SRGAP1: variants seen among roughly 807,000 people sequenced by gnomAD.
The protein encoded by SRGAP1 is SLIT-ROBO Rho GTPase-activating protein 1.
SRGAP1 carries 43 observed loss-of-function variants against 121.9 expected under a neutral mutation model. That is an observed-to-expected ratio of 0.35 (90% CI 0.28 to 0.46). The LOEUF is 0.46. SRGAP1 is among the 20% of genes least tolerant of loss of function. SRGAP1 has a pLI of 1.00. For synonymous variants in SRGAP1, 447 were observed against 485.4 expected (o/e 0.92, Z 1.04); for missense variants, 1,102 against 1,350.9 (o/e 0.82, Z 2.89).
At chr12:63,886,110 G>A (rs1354132882) in intron 1 of SRGAP1, among the ~76,000 whole-genome samples, 1 of 152,104 alleles carries the variant, frequency 6.6e-6, no homozygotes, top group Non-Finnish European at 1.5e-5. Context: ...GCCCAGGCTG[G>A]AGTGCAGCGG....
At position 64,128,158 on chromosome 12, in the gene SRGAP1, C is replaced by T; in HGVS notation, c.2838C>T (p.Gly946=). Reference sequence around the variant, plus strand: ...CCACGTCATCAGGGCAATACACGGGCTTCAATGACCACAAGCCACTGGACC... The same window carrying T: ...CCACGTCATCAGGGCAATACACGGGTTTCAATGACCACAAGCCACTGGACC... ...RRSTSSGQYT[G]FNDHKPLDPE... is the part of the protein sequence containing the mutation. Residue 946 remains glycine, a synonymous_variant, in exon 21 of 22, where the codon GGC becomes GGT. Transcript: ENST00000355086. 1 of 1,613,878 alleles carries T rather than the reference C, an allele frequency of 6.2e-7. No individual in the cohort carries two copies. The highest frequency in any genetic ancestry group is 8.5e-7 in the Non-Finnish European group (1 of 1,179,890).
chr12:64,135,585 C>T (rs748299562), intron 21 of SRGAP1, among the ~76,000 whole-genome samples: 2 of 152,128 alleles, frequency 1.3e-5, no homozygotes, highest in Admixed American at 6.5e-5. Flanking sequence ...TTGCCTCTCA[C>T]GAGCGATGAA....
chr12:63,942,754 C>G (rs1388851111), intron 1 of SRGAP1, among the ~76,000 whole-genome samples: 1 of 152,188 alleles, frequency 6.6e-6, no homozygotes, highest in African/African-American at 2.4e-5. Context: ...TGCCTTCCAT[C>G]CGTTTCTTCT....
At chr12:64,142,114 A>G (rs1315350553) in intron 21 of SRGAP1, among the ~76,000 whole-genome samples, 181 bp from the exon 22 acceptor site, 1 of 152,222 alleles carries the variant, frequency 6.6e-6, no homozygotes, top group Non-Finnish European at 1.5e-5. Flanking sequence ...AGTTTCCTGA[A>G]TCAAGAATCA....
intron 3 of SRGAP1, among the ~76,000 whole-genome samples, chr12:64,014,773 G>GTTGTTGTTA (rs2034354364): frequency 2.0e-5 from 3 of 152,060 alleles, no homozygotes; most frequent in Admixed American, 2.0e-4. Flanking sequence ...TGTTGTTGTT[G>GTTGTTGTTA]TTGTTGTTAT....
chr12:63,965,112 CT>C, intron 1 of SRGAP1, among the ~76,000 whole-genome samples: 1 of 152,096 alleles, frequency 6.6e-6, no homozygotes, highest in East Asian at 1.9e-4. Flanking sequence ...CGAATGTGTG[CT>C]TTGGGACTGT....
chr12:63,921,229 G>A (rs925758466), intron 1 of SRGAP1, among the ~76,000 whole-genome samples: 6 of 152,100 alleles, frequency 3.9e-5, no homozygotes, highest in African/African-American at 1.2e-4. Flanking sequence ...TGCCAGCTAC[G>A]TTACCACCAG....
chr12:63,859,825 G>A (rs962322790), intron 1 of SRGAP1, among the ~76,000 whole-genome samples: 15 of 151,910 alleles, frequency 9.9e-5, no homozygotes, highest in Admixed American at 6.6e-4. Flanking sequence ...TAATGTAAGC[G>A]TTAACCCTAA....
At chr12:64,035,605 G>A (rs1023924424) in intron 4 of SRGAP1, among the ~76,000 whole-genome samples, 2 of 152,184 alleles carry the variant, frequency 1.3e-5, no homozygotes, top group Non-Finnish European at 2.9e-5. Flanking sequence ...TAAGAGGTGT[G>A]TGTAGACAGG....
chr12:64,001,701 C>G (rs886405224), intron 3 of SRGAP1, among the ~76,000 whole-genome samples: 4 of 152,152 alleles, frequency 2.6e-5, no homozygotes, highest in African/African-American at 9.7e-5. Context: ...AGAACACAGC[C>G]AAGCCAGCTC....
At chr12:63,915,327 A>C (rs1378003355) in intron 1 of SRGAP1, among the ~76,000 whole-genome samples, 1 of 152,234 alleles carries the variant, frequency 6.6e-6, no homozygotes, top group Non-Finnish European at 1.5e-5. Flanking sequence ...TGCCATATGA[A>C]TAATTTACTT....
chr12:64,008,993 G>T (rs147915194), intron 3 of SRGAP1, among the ~76,000 whole-genome samples: 41 of 152,178 alleles, frequency 2.7e-4, no homozygotes, highest in Admixed American at 7.2e-4. Context: ...CCAGGGAACG[G>T]TATAGCTTTG....
chr12:63,984,583 T>C (rs1485571423), intron 2 of SRGAP1, among the ~76,000 whole-genome samples: 1 of 152,196 alleles, frequency 6.6e-6, no homozygotes, highest in African/African-American at 2.4e-5. Context: ...TTTATGGTCA[T>C]TGTAATTGAC....
intron 1 of SRGAP1, among the ~76,000 whole-genome samples, chr12:63,848,647 T>G (rs1397777220): frequency 6.6e-6 from 1 of 152,070 alleles, no homozygotes; most frequent in East Asian, 1.9e-4. Context: ...CGGTTTCAAG[T>G]GATTCTCATG....
In SRGAP1 at chr12:64,161,869, A is replaced by T. The variant is rs1375504959; in HGVS notation, c.*19197A>T. ...AAATGTGGTATATTGATACAATGGA[A>T]TACTATTCTGTAATGAAGATGGGAA... On this transcript the variant is annotated 3_prime_UTR_variant, in exon 22 of 22. Transcript: ENST00000355086. The T allele has an allele frequency of 2.0e-5, 3 of 152,262 alleles. No individual in the cohort carries two copies. The highest frequency in any genetic ancestry group is 7.2e-5 in the African/African-American group (3 of 41,466). The allele number at this position is 152,262 out of a possible 1,614,324, so 9.4% of individuals were successfully genotyped here. A position where few individuals can be genotyped will look rare whatever the true frequency, so the allele number is the denominator to read the frequency against.
intron 1 of SRGAP1, among the ~76,000 whole-genome samples, chr12:63,862,975 T>C (rs1220372796): frequency 6.6e-6 from 1 of 152,210 alleles, no homozygotes; most frequent in African/African-American, 2.4e-5. Flanking sequence ...AGCACCTTTT[T>C]AGAAACTTGC....
chr12:64,147,745 C>T lies in SRGAP1; in HGVS notation c.*5073C>T. 2.5e-6 allele frequency: 1 copy of T among 398,372 alleles called. No individual in the cohort carries two copies. Among genetic ancestry groups the T allele is most frequent in the Non-Finnish European group, 4.4e-6 (1 of 226,038 alleles). The allele number at this position is 398,372 out of a possible 1,614,324, so 24.7% of individuals were successfully genotyped here. A position where few individuals can be genotyped will look rare whatever the true frequency, so the allele number is the denominator to read the frequency against. ...ATGCACTTTTATGTATAGTACTGTA[C>T]ATTTTTGGCATGTACCATTACAGGC... is the stretch of plus-strand genomic sequence containing the variant. On this transcript the variant is annotated 3_prime_UTR_variant, in exon 22 of 22. Transcript: ENST00000355086.
At chr12:64,133,558 C>T (rs1348509991) in intron 21 of SRGAP1, among the ~76,000 whole-genome samples, 1 of 152,292 alleles carries the variant, frequency 6.6e-6, no homozygotes. Flanking sequence ...TTTCCCTTTC[C>T]CCATTACACA....
intron 1 of SRGAP1, among the ~76,000 whole-genome samples, chr12:63,912,238 T>C (rs1402477048): frequency 6.6e-6 from 1 of 152,120 alleles, no homozygotes; most frequent in Non-Finnish European, 1.5e-5. Flanking sequence ...CCCTGTGAGG[T>C]AGGTACTGAC....
Sources: allele counts gnomAD v4.1 joint callset (sites outside exome capture counted in the v4.1 genomes callset), GRCh38; gene constraint gnomAD v4.1.1; transcripts MANE v1.5; gene names NCBI Gene and HGNC (gene_info 2026-07-23, HGNC 2026-07-21).